Variants in GALNT17 observed in about 807,000 individuals in gnomAD.
GALNT17 encodes UDP-GalNAc:polypeptide N-acetylgalactosaminyltransferase-like 3.
Under a neutral mutation model 63.7 loss-of-function variants are expected in GALNT17, and 29 were observed. The observed-to-expected ratio is 0.46, with a 90% CI of 0.34 to 0.62. The LOEUF is 0.62. Among genes scored for constraint, GALNT17 ranks in the 20% least tolerant of loss-of-function variants. GALNT17 has a pLI of 0.01. For missense variants in GALNT17, 603 were observed against 799.6 expected (o/e 0.75, Z 2.97); for synonymous variants, 305 against 318.3 (o/e 0.96, Z 0.45).
rs753906655 is a variant in GALNT17, at chr7:71,388,405, CA to C, written c.589+5del. The stretch of plus-strand genomic sequence containing the variant: ...GTGGATGACAACAGCGACGAAGGTA[CA>C]GGGGTGGCTGACCTGTGCACAGGAC... On this transcript the variant is annotated splice_donor_5th_base_variant and intron_variant, in intron 3 of 10. Coordinates refer to ENST00000333538, the MANE Select transcript of GALNT17 (RefSeq NM_022479.3). The C allele has an allele frequency of 6.2e-7, 1 of 1,613,546 alleles. No homozygotes were observed. Among genetic ancestry groups the C allele is most frequent in the East Asian group, 2.2e-5 (1 of 44,856 alleles).
intron 9 of GALNT17, among the ~76,000 whole-genome samples, chr7:71,691,502 T>G (rs2117094762): frequency 6.6e-6 from 1 of 152,316 alleles, no homozygotes; most frequent in Middle Eastern, 3.4e-3. Flanking sequence ...GTATTTGATT[T>G]TGCCTAAGGA....
intron 6 of GALNT17, among the ~76,000 whole-genome samples, chr7:71,595,660 GAC>G (rs61389262): frequency 0.096 from 13,741 of 142,510 alleles, 668 homozygotes; most frequent in South Asian, 0.16. Flanking sequence ...GAGAGACTGA[GAC>G]ACACACACAC....
chr7:71,554,643 G>C (rs1012913611), intron 5 of GALNT17, among the ~76,000 whole-genome samples: 1 of 152,106 alleles, frequency 6.6e-6, no homozygotes, highest in Non-Finnish European at 1.5e-5. Flanking sequence ...CCCATAGCAC[G>C]CTGCAAGACA....
In GALNT17 at chr7:71,148,886, A is replaced by G. The variant is rs905857974; in HGVS notation, c.238+15846A>G. Among the ~76,000 whole-genome samples the G allele has an allele frequency of 2.6e-3, 367 of 143,584 alleles. 4 individuals carry two copies. Among genetic ancestry groups the G allele is most frequent in the Non-Finnish European group, 4.1e-3 (268 of 66,160 alleles). The allele number at this position is 143,584 out of a possible 152,430, so 94.2% of individuals were successfully genotyped here. On this transcript the variant is annotated intron_variant, in intron 1 of 10. Transcript: ENST00000333538. ...TATATATATATATATATATATATAT[A>G]TATATATGTATACCATAGTTAACCA...
chr7:71,225,993 G>A (rs918721424), intron 1 of GALNT17, among the ~76,000 whole-genome samples: 9 of 152,138 alleles, frequency 5.9e-5, no homozygotes, highest in African/African-American at 2.2e-4. Flanking sequence ...TAAATGAGAT[G>A]TATACATATA....
At chr7:71,319,885 A>G (rs12155491) in intron 1 of GALNT17, among the ~76,000 whole-genome samples, 95,208 of 152,060 alleles carry the variant, frequency 0.63, 30,103 homozygotes, top group African/African-American at 0.7. Flanking sequence ...TTACTGTTTC[A>G]TGTGTCTCAT....
At chr7:71,374,925 C>T (rs1188061890) in intron 2 of GALNT17, among the ~76,000 whole-genome samples, 2 of 150,936 alleles carry the variant, frequency 1.3e-5, no homozygotes, top group African/African-American at 2.4e-5. Context: ...CCGCAAACTC[C>T]ACCTCCTGGG....
At chr7:71,585,559 G>A (rs1200868723) in intron 6 of GALNT17, among the ~76,000 whole-genome samples, 1 of 151,958 alleles carries the variant, frequency 6.6e-6, no homozygotes, top group Non-Finnish European at 1.5e-5. Context: ...ATAATGAGTT[G>A]GTGTCATAGC....
At chr7:71,476,386 G>C (rs970915328) in intron 5 of GALNT17, among the ~76,000 whole-genome samples, 1 of 152,122 alleles carries the variant, frequency 6.6e-6, no homozygotes, top group Non-Finnish European at 1.5e-5. Flanking sequence ...AAGATGTGTG[G>C]TTTTCAGTGA....
At chr7:71,639,516 A>T (rs535690511) in intron 6 of GALNT17, among the ~76,000 whole-genome samples, 3 of 152,072 alleles carry the variant, frequency 2.0e-5, no homozygotes, top group Non-Finnish European at 4.4e-5. Flanking sequence ...ACACTGAGCG[A>T]TTGCACGAGG....
chr7:71,205,152 CT>C (rs759200277), intron 1 of GALNT17, among the ~76,000 whole-genome samples: 1,279 of 114,968 alleles, frequency 0.011, 8 homozygotes, highest in African/African-American at 0.04. Context: ...TTACTTTTTA[CT>C]TTTTTTTTTT....
At chr7:71,578,797 G>A (rs79010911) in intron 6 of GALNT17, among the ~76,000 whole-genome samples, 2 of 152,154 alleles carry the variant, frequency 1.3e-5, no homozygotes, top group South Asian at 4.2e-4. Flanking sequence ...CCTTCTGCCT[G>A]CCCTCCTGAT....
intron 5 of GALNT17, among the ~76,000 whole-genome samples, chr7:71,436,448 G>A (rs181292219): frequency 1.1e-4 from 16 of 151,888 alleles, no homozygotes; most frequent in African/African-American, 1.7e-4. Context: ...GGCTGGGCAC[G>A]GTGACTCACG....
chr7:71,468,350 A>G (rs980922364), intron 5 of GALNT17, among the ~76,000 whole-genome samples: 1 of 151,304 alleles, frequency 6.6e-6, no homozygotes, highest in Non-Finnish European at 1.5e-5. Flanking sequence ...CATTCTTCAT[A>G]TGATAGATGA....
At chr7:71,164,932 C>A (rs1429725647) in intron 1 of GALNT17, among the ~76,000 whole-genome samples, 1 of 152,032 alleles carries the variant, frequency 6.6e-6, no homozygotes, top group African/African-American at 2.4e-5. Context: ...TTTGTTTTCT[C>A]TTTTTGAAAT....
chr7:71,322,387 T>G (rs1267235925), intron 1 of GALNT17, among the ~76,000 whole-genome samples: 1 of 152,184 alleles, frequency 6.6e-6, no homozygotes, highest in Non-Finnish European at 1.5e-5. Context: ...AACCGCAGTT[T>G]GAAAATTTAT....
chr7:71,237,047 C>G (rs1449766012), intron 1 of GALNT17, among the ~76,000 whole-genome samples: 1 of 152,154 alleles, frequency 6.6e-6, no homozygotes, highest in African/African-American at 2.4e-5. Flanking sequence ...TGACAATGCA[C>G]AAACACGCTG....
At chr7:71,667,281 T>G (rs1044026062) in intron 7 of GALNT17, among the ~76,000 whole-genome samples, 1 of 152,242 alleles carries the variant, frequency 6.6e-6, no homozygotes, top group African/African-American at 2.4e-5. Context: ...GTTATAAGTT[T>G]TGAAATACAT....
At chr7:71,321,453 G>A (rs888762966) in intron 1 of GALNT17, among the ~76,000 whole-genome samples, 5 of 152,296 alleles carry the variant, frequency 3.3e-5, no homozygotes, top group South Asian at 2.1e-4. Context: ...AGTGAGGTTC[G>A]GGCCTTTGAG....
Sources: gnomAD v4.1 joint callset for allele counts (sites outside exome capture counted in the v4.1 genomes callset) on GRCh38, gnomAD v4.1.1 for gene constraint, MANE v1.5 for transcripts, NCBI Gene and HGNC (gene_info 2026-07-23, HGNC 2026-07-21) for gene names.